Variants in GIPC2 observed in about 807,000 individuals in gnomAD.
GIPC2 encodes the protein GIPC PDZ domain containing family member 2, also known as PDZ domain-containing protein GIPC2.
In GIPC2, 30 loss-of-function variants were observed where a neutral mutation model predicts 30.6. The observed-to-expected ratio is 0.98, with a 90% CI of 0.73 to 1.33. The LOEUF (loss-of-function observed/expected upper bound fraction) is 1.33. GIPC2 is among the 40% of genes most tolerant of loss of function. The probability of loss-of-function intolerance (pLI) is 0.00; values close to 1 mark genes in which losing one functional copy is unlikely to be tolerated. For synonymous variants in GIPC2, 167 were observed against 150.0 expected (o/e 1.11, Z -0.83); for missense variants, 414 against 390.3 (o/e 1.06, Z -0.51).
chr1:78,089,420 T>C (rs780384262), intron 2 of GIPC2, among the ~76,000 whole-genome samples: 9 of 152,254 alleles, frequency 5.9e-5, no homozygotes, highest in Non-Finnish European at 8.8e-5. Context: ...AATATTTTAA[T>C]ATTAGTTCTA....
chr1:78,119,571 C>A, intron 4 of GIPC2, 72 bp downstream of exon 4: 2 of 903,860 alleles, frequency 2.2e-6, no homozygotes, highest in Non-Finnish European at 1.8e-6. Context: ...TCATTCTAAC[C>A]AAAACTTGGA....
At chr1:78,080,086 A>G (rs1032734461) in intron 1 of GIPC2, among the ~76,000 whole-genome samples, 4 of 152,086 alleles carry the variant, frequency 2.6e-5, no homozygotes, top group African/African-American at 7.2e-5. Flanking sequence ...TCACTAAATA[A>G]ATTGCTTTTT....
chr1:78,072,325 CTG>C (rs1183598175), intron 1 of GIPC2, among the ~76,000 whole-genome samples: 9 of 152,206 alleles, frequency 5.9e-5, no homozygotes, highest in African/African-American at 1.9e-4. Flanking sequence ...AGTATCCAAA[CTG>C]TGTACAAATA....
At chr1:78,088,753 A>G (rs1210311157) in intron 2 of GIPC2, among the ~76,000 whole-genome samples, 1 of 151,770 alleles carries the variant, frequency 6.6e-6, no homozygotes, top group African/African-American at 2.4e-5. Context: ...CTGAGGTGGG[A>G]GAATTGCTTG....
chr1:78,088,517 G>A (rs1212994640), intron 2 of GIPC2, among the ~76,000 whole-genome samples: 1 of 152,168 alleles, frequency 6.6e-6, no homozygotes, highest in African/African-American at 2.4e-5. Context: ...ACCAAGTACT[G>A]CATGTTCTCA....
intron 1 of GIPC2, chr1:78,069,226 A>G: frequency 3.1e-6 from 1 of 323,088 alleles, no homozygotes; most frequent in South Asian, 1.2e-4. Context: ...TCCTGGGCTT[A>G]TTCTATCCCT....
chr1:78,082,351 C>T (rs1161390622), intron 2 of GIPC2, among the ~76,000 whole-genome samples: 3 of 152,160 alleles, frequency 2.0e-5, no homozygotes, highest in African/African-American at 7.2e-5. Flanking sequence ...GCATTGTCAC[C>T]ATTAAATAAT....
intron 3 of GIPC2, among the ~76,000 whole-genome samples, chr1:78,109,931 G>A (rs552524905): frequency 7.9e-5 from 12 of 151,998 alleles, no homozygotes; most frequent in African/African-American, 2.7e-4. Context: ...GCAAACTGTC[G>A]CAAGGACAAA....
At chr1:78,068,992 T>C in intron 1 of GIPC2, 2 of 797,616 alleles carry the variant, frequency 2.5e-6, no homozygotes, top group Non-Finnish European at 3.0e-6. Flanking sequence ...CTCTCTTTTC[T>C]AAGTGCTCTG....
At chr1:78,063,899 C>CAAAAAAAAAAA (rs763084989) in intron 1 of GIPC2, among the ~76,000 whole-genome samples, 1 of 63,114 alleles carries the variant, frequency 1.6e-5, no homozygotes, top group African/African-American at 5.0e-5. Flanking sequence ...CTCAAAAAGA[C>CAAAAAAAAAAA]AAAAAAAAAA....
intron 2 of GIPC2, among the ~76,000 whole-genome samples, chr1:78,087,669 A>G (rs1661955438): frequency 6.6e-6 from 1 of 152,228 alleles, no homozygotes; most frequent in South Asian, 2.1e-4. Flanking sequence ...CTGGAAGACA[A>G]TGTAGGCAAT....
intron 1 of GIPC2, among the ~76,000 whole-genome samples, chr1:78,071,188 AAAT>A (rs2100325694): frequency 6.6e-6 from 1 of 152,350 alleles, no homozygotes; most frequent in Admixed American, 6.5e-5. Context: ...TATACTGGGA[AAAT>A]AATAGGCTGA....
chr1:78,122,044 G>C (rs531021368), intron 4 of GIPC2, among the ~76,000 whole-genome samples: 1 of 152,284 alleles, frequency 6.6e-6, no homozygotes. Context: ...TAAATCATTC[G>C]TCACTCTTTG....
chr1:78,083,787 G>A (rs1418281578), intron 2 of GIPC2, among the ~76,000 whole-genome samples: 3 of 152,302 alleles, frequency 2.0e-5, no homozygotes, highest in East Asian at 3.9e-4. Flanking sequence ...GACTTGGCCT[G>A]CAGGAACCCC....
intron 1 of GIPC2, among the ~76,000 whole-genome samples, chr1:78,059,938 T>C (rs114660135): frequency 6.6e-6 from 1 of 152,158 alleles, no homozygotes; most frequent in Non-Finnish European, 1.5e-5. Context: ...ATGAGGACTT[T>C]TGGAAAATAG....
chr1:78,106,958 GA>G (rs1357639022), intron 3 of GIPC2, among the ~76,000 whole-genome samples: 6 of 152,152 alleles, frequency 3.9e-5, no homozygotes, highest in African/African-American at 1.4e-4. Flanking sequence ...TTACAGGCAT[GA>G]GCCACTGTGC....
chr1:78,108,439 C>T (rs1662401314), intron 3 of GIPC2, among the ~76,000 whole-genome samples: 1 of 152,192 alleles, frequency 6.6e-6, no homozygotes, highest in African/African-American at 2.4e-5. Context: ...CCTGTTCTGT[C>T]TTATCGACGG....
chr1:78,082,677 C>T (rs546990311), intron 2 of GIPC2, among the ~76,000 whole-genome samples: 1 of 152,266 alleles, frequency 6.6e-6, no homozygotes, highest in East Asian at 1.9e-4. Flanking sequence ...GAGTACTAGT[C>T]ACTAGCCCTG....
At chr1:78,058,591 C>T (rs1557527419) in intron 1 of GIPC2, among the ~76,000 whole-genome samples, 1 of 152,064 alleles carries the variant, frequency 6.6e-6, no homozygotes, top group Non-Finnish European at 1.5e-5. Flanking sequence ...AAAATGTGTT[C>T]CAAGCAACAT....
Sources: gnomAD v4.1 joint callset for allele counts (sites outside exome capture counted in the v4.1 genomes callset) on GRCh38, gnomAD v4.1.1 for gene constraint, MANE v1.5 for transcripts, NCBI Gene and HGNC (gene_info 2026-07-23, HGNC 2026-07-21) for gene names.